The following GNB4 variants were observed in gnomAD, a reference collection of about 807,000 sequenced individuals.
The protein encoded by GNB4 is guanine nucleotide-binding protein subunit beta-4.
Under a neutral mutation model 45.2 loss-of-function variants are expected in GNB4, and 28 were observed. The observed-to-expected ratio is 0.62, with a 90% CI of 0.46 to 0.85. GNB4 has a LOEUF of 0.85. Among genes scored for constraint, GNB4 ranks in the 40% least tolerant of loss-of-function variants. The pLI is 0.00. For synonymous variants in GNB4, 132 were observed against 143.7 expected, an observed-to-expected ratio of 0.92 and a Z score of 0.58; for missense variants, 321 against 425.4, an observed-to-expected ratio of 0.75 and a Z score of 2.16.
chr3:179,488,569 T>C, the GNB4 span, among the ~76,000 whole-genome samples: 6 of 152,146 alleles, frequency 3.9e-5, no homozygotes, highest in Admixed American at 2.0e-4. Context: ...TTATACACTG[T>C]GTGATTTTGA....
the GNB4 span, among the ~76,000 whole-genome samples, chr3:179,525,999 G>C: frequency 6.6e-6 from 1 of 152,230 alleles, no homozygotes; most frequent in African/African-American, 2.4e-5. Flanking sequence ...AACAGGCTTT[G>C]TGTGAGCAAC....
the GNB4 span, chr3:179,464,878 C>T: frequency 1.3e-5 from 19 of 1,409,452 alleles, no homozygotes; most frequent in African/African-American, 7.1e-5. Context: ...CTACCCCATG[C>T]GGTGTGTGGG....
intron 4 of GNB4, among the ~76,000 whole-genome samples, chr3:179,418,193 C>T (rs945406637): frequency 3.9e-5 from 6 of 152,138 alleles, no homozygotes; most frequent in African/African-American, 9.6e-5. Context: ...TTCGGCCAGG[C>T]GCGGTGGCTC....
At chr3:179,520,178 G>A in the GNB4 span, among the ~76,000 whole-genome samples, 32,423 of 135,968 alleles carry the variant, frequency 0.24, 4,607 homozygotes, top group Middle Eastern at 0.35. Flanking sequence ...GACTGACCCT[G>A]ACACCCATCA....
chr3:179,430,117 A>G (rs6788171), intron 1 of GNB4, among the ~76,000 whole-genome samples: 1,691 of 145,582 alleles, frequency 0.012, 24 homozygotes, highest in African/African-American at 0.043. Flanking sequence ...CAGACAGACA[A>G]AGGCCTCACT....
rs555562392 is a variant in GNB4 at position 179,401,601 on chromosome 3, T to C, written c.917-282A>G. On this transcript the variant is annotated intron_variant, in intron 9 of 9. Transcript: ENST00000232564. ...AAAAATCATCTTATAATTCAACTTATATCTAGGAAAACATATGCAGACAAT... is the reference window on the plus strand; with the variant it reads ...AAAAATCATCTTATAATTCAACTTACATCTAGGAAAACATATGCAGACAAT... Among the ~76,000 whole-genome samples, 3 of 152,338 alleles carry C rather than the reference T, an allele frequency of 2.0e-5. No individual in the cohort carries two copies. In the South Asian group the frequency reaches 6.2e-4, roughly 32 times the overall value.
chr3:179,501,938 G>A, the GNB4 span, among the ~76,000 whole-genome samples: 1 of 151,998 alleles, frequency 6.6e-6, no homozygotes, highest in Admixed American at 6.6e-5. Flanking sequence ...TTTAATAGGG[G>A]TTAGGCCTTC....
intron 2 of GNB4, among the ~76,000 whole-genome samples, 168 bp downstream of exon 2, chr3:179,425,976 G>C (rs765033048): frequency 6.6e-6 from 1 of 152,186 alleles, no homozygotes; most frequent in Non-Finnish European, 1.5e-5. Flanking sequence ...GTTCTTTCGA[G>C]ACATGGTAAA....
chr3:179,462,202 C>T, the GNB4 span, among the ~76,000 whole-genome samples: 2 of 151,576 alleles, frequency 1.3e-5, no homozygotes, highest in African/African-American at 4.9e-5. Flanking sequence ...GTGCTATTCT[C>T]ATGAACTGCA....
At chr3:179,519,222 C>T in the GNB4 span, among the ~76,000 whole-genome samples, 1 of 152,240 alleles carries the variant, frequency 6.6e-6, no homozygotes. Flanking sequence ...TGTGGGACCC[C>T]ACTGGAAATC....
the GNB4 span, among the ~76,000 whole-genome samples, chr3:179,524,247 A>T: frequency 6.6e-6 from 1 of 152,252 alleles, no homozygotes; most frequent in Non-Finnish European, 1.5e-5. Context: ...GCCTTGGGCC[A>T]GGGTTCCAGG....
chr3:179,485,286 A>T, the GNB4 span, among the ~76,000 whole-genome samples: 1 of 151,968 alleles, frequency 6.6e-6, no homozygotes, highest in African/African-American at 2.4e-5. Context: ...TGCTGGGATT[A>T]TAGGTGTGAG....
chr3:179,506,015 A>G, the GNB4 span, among the ~76,000 whole-genome samples: 1 of 152,252 alleles, frequency 6.6e-6, no homozygotes, highest in Non-Finnish European at 1.5e-5. Context: ...AAATTAAGAT[A>G]CAGGTTTATT....
At chr3:179,414,745 T>TC in intron 6 of GNB4, 140 bp downstream of exon 6, 1 of 556,718 alleles carries the variant, frequency 1.8e-6, no homozygotes, top group Non-Finnish European at 3.0e-6. Flanking sequence ...AGTTAATGTT[T>TC]CCTTTGTTCA....
the GNB4 span, among the ~76,000 whole-genome samples, chr3:179,479,103 G>A: frequency 5.3e-5 from 8 of 152,158 alleles, no homozygotes; most frequent in Admixed American, 2.6e-4. Flanking sequence ...ATAGCAGTGC[G>A]AGAATAGACT....
At chr3:179,416,373 A>G in intron 5 of GNB4, 120 bp downstream of exon 5, 1 of 638,620 alleles carries the variant, frequency 1.6e-6, no homozygotes, top group African/African-American at 1.9e-5. Context: ...ACTAGATTAA[A>G]ATAAACAATA....
chr3:179,507,662 C>T, the GNB4 span, among the ~76,000 whole-genome samples: 1 of 152,154 alleles, frequency 6.6e-6, no homozygotes, highest in South Asian at 2.1e-4. Flanking sequence ...CTTATTCCCA[C>T]TCTCCCCATC....
the GNB4 span, among the ~76,000 whole-genome samples, chr3:179,471,200 T>A: frequency 0.74 from 109,514 of 148,686 alleles, 40,843 homozygotes; most frequent in East Asian, 0.98. Flanking sequence ...AAAAAAAGTA[T>A]CAGCAAGCTA....
At chr3:179,446,678 A>G (rs1283610664) in intron 1 of GNB4, among the ~76,000 whole-genome samples, 1 of 152,156 alleles carries the variant, frequency 6.6e-6, no homozygotes, top group Admixed American at 6.5e-5. Context: ...GCTTATTATC[A>G]TCACTCCACC....
Sources: gnomAD v4.1 joint callset for allele counts (sites outside exome capture counted in the v4.1 genomes callset) on GRCh38, gnomAD v4.1.1 for gene constraint, MANE v1.5 for transcripts, NCBI Gene and HGNC (gene_info 2026-07-23, HGNC 2026-07-21) for gene names.